Variants in ZHX3 observed in about 807,000 individuals in gnomAD.
The protein encoded by ZHX3 is zinc fingers and homeoboxes 3.
A neutral mutation model predicts 64.5 loss-of-function variants in ZHX3; 20 were observed. The ratio of observed to expected loss-of-function variants is 0.31; its 90% CI spans 0.22 to 0.45. The LOEUF (loss-of-function observed/expected upper bound fraction) is 0.45. Ranked by LOEUF, ZHX3 falls within the 20% of genes least tolerant of loss-of-function variation. The probability of loss-of-function intolerance (pLI) is 1.00; values close to 1 mark genes in which losing one functional copy is unlikely to be tolerated. For synonymous variants in ZHX3, 423 were observed against 461.6 expected (o/e 0.92, Z 1.07); for missense variants, 1,041 against 1,195.8 (o/e 0.87, Z 1.91).
At chr20:41,271,253 C>T (rs911801403) in intron 1 of ZHX3, among the ~76,000 whole-genome samples, 1 of 152,142 alleles carries the variant, frequency 6.6e-6, no homozygotes, top group East Asian at 1.9e-4. Flanking sequence ...CTCTTGACCT[C>T]GTGATCCACC....
At chr20:41,301,914 C>T (rs1428780005) in intron 1 of ZHX3, among the ~76,000 whole-genome samples, 2 of 151,268 alleles carry the variant, frequency 1.3e-5, no homozygotes, top group African/African-American at 2.4e-5. Flanking sequence ...ATTAGCCGGG[C>T]GTAGTGGCGG....
At chr20:41,264,779 C>T (rs1362481057) in intron 2 of ZHX3, among the ~76,000 whole-genome samples, 1 of 151,948 alleles carries the variant, frequency 6.6e-6, no homozygotes, top group African/African-American at 2.4e-5. Flanking sequence ...CGAACTTACG[C>T]TCAAAAATTT....
chr20:41,242,848 A>C (rs2041468904), intron 2 of ZHX3, among the ~76,000 whole-genome samples: 1 of 152,182 alleles, frequency 6.6e-6, no homozygotes, highest in Non-Finnish European at 1.5e-5. Context: ...CCCTATCCCT[A>C]AGAGCATATG....
At chr20:41,301,923 G>A (rs1456683224) in intron 1 of ZHX3, among the ~76,000 whole-genome samples, 1 of 150,606 alleles carries the variant, frequency 6.6e-6, no homozygotes, top group East Asian at 2.0e-4. Flanking sequence ...GCGTAGTGGC[G>A]GGCGCCTGTA....
chr20:41,286,611 G>A lies in ZHX3; in HGVS notation c.-244-17528C>T, dbSNP rs535375218. 4.9e-4 allele frequency among the ~76,000 whole-genome samples: 74 copies of A among 152,278 alleles called. 1 individual carries two copies. Among genetic ancestry groups the A allele is most frequent in the African/African-American group, 1.8e-3 (74 of 41,534 alleles). ...CCCTCCAATGGCTTCCCATTTCAGA[G>A]TACAAACAAAAATCCTTTCCATGGG... On this transcript the variant is annotated intron_variant, in intron 1 of 3. Coordinates refer to ENST00000683867, the MANE Select transcript of ZHX3 (RefSeq NM_001384317.1).
chr20:41,296,164 ACTTAACATCAC>A (rs1454604982), intron 1 of ZHX3, among the ~76,000 whole-genome samples: 2 of 144,240 alleles, frequency 1.4e-5, no homozygotes, highest in Non-Finnish European at 1.5e-5. Context: ...ATTTGATCTC[ACTTAACATCAC>A]TCATGCCAAG....
chr20:41,312,632 G>A (rs1021374596), intron 1 of ZHX3, among the ~76,000 whole-genome samples: 11 of 152,202 alleles, frequency 7.2e-5, no homozygotes, highest in Non-Finnish European at 1.3e-4. Flanking sequence ...GTGGTGATCA[G>A]GGAAGGCCCC....
At chr20:41,282,417 G>C (rs988387361) in intron 1 of ZHX3, among the ~76,000 whole-genome samples, 2 of 136,368 alleles carry the variant, frequency 1.5e-5, no homozygotes, top group African/African-American at 5.4e-5. Flanking sequence ...GGAGAACAGC[G>C]GCGCTATCTT....
intron 2 of ZHX3, among the ~76,000 whole-genome samples, chr20:41,231,385 CA>C (rs2040595285): frequency 6.6e-6 from 1 of 152,198 alleles, no homozygotes; most frequent in African/African-American, 2.4e-5. Context: ...AACCTAAACA[CA>C]CCAGCCTCCT....
rs530561981 is a variant in ZHX3, at chr20:41,269,094, A to T, written c.-244-11T>A. 6.6e-6 allele frequency: 1 copy of T among 152,228 alleles called. No individual in the cohort carries two copies. The highest frequency in any genetic ancestry group is 1.5e-5 in the Non-Finnish European group (1 of 68,036). 9.4% of individuals were successfully genotyped at this position (152,228 alleles called of 1,614,324 possible). On this transcript the variant is annotated splice_polypyrimidine_tract_variant and intron_variant, in intron 1 of 3. Transcript: ENST00000683867. ...AGTTGCATTTCAGTCCTATAAAAGA[A>T]GCAGCACATCATCACTTTATGAGAA... is the stretch of plus-strand genomic sequence containing the variant.
intron 1 of ZHX3, among the ~76,000 whole-genome samples, chr20:41,280,573 G>GT (rs548791402): frequency 1.3e-5 from 2 of 152,080 alleles, no homozygotes; most frequent in East Asian, 1.9e-4. Flanking sequence ...ATGTTTTTCT[G>GT]TTTTTTTGTT....
intron 1 of ZHX3, among the ~76,000 whole-genome samples, chr20:41,303,565 C>A (rs2146817363): frequency 6.6e-6 from 1 of 152,316 alleles, no homozygotes; most frequent in Non-Finnish European, 1.5e-5. Context: ...AATTCCAGCC[C>A]CTTGCCTTCT....
intron 2 of ZHX3, among the ~76,000 whole-genome samples, chr20:41,246,967 G>A (rs2041729263): frequency 6.6e-6 from 1 of 151,892 alleles, no homozygotes; most frequent in Non-Finnish European, 1.5e-5. Flanking sequence ...CTCTTATAAA[G>A]AGTATGTATA....
Position 41,184,921 on chromosome 20 carries a change from C to A in ZHX3, c.*270G>T, listed in dbSNP as rs1430961269. On this transcript the variant is annotated 3_prime_UTR_variant, in exon 4 of 4. Coordinates refer to ENST00000683867, the MANE Select transcript of ZHX3 (RefSeq NM_001384317.1). ...TATGAATATGACTATGAACTCTGAA[C>A]TATTTTATCCATTGGAAGGTAAAGG... 6.5e-7 allele frequency: 1 copy of A among 1,537,658 alleles called. No individual in the cohort carries two copies. The highest frequency in any genetic ancestry group is 8.7e-7 in the Non-Finnish European group (1 of 1,145,530).
intron 2 of ZHX3, among the ~76,000 whole-genome samples, chr20:41,264,486 G>A (rs1326486900): frequency 6.7e-6 from 1 of 149,318 alleles, no homozygotes; most frequent in Non-Finnish European, 1.5e-5. Context: ...TTGAACCCAG[G>A]AGGCAGTGGC....
intron 2 of ZHX3, among the ~76,000 whole-genome samples, chr20:41,264,592 C>T (rs927595548): frequency 6.6e-6 from 1 of 150,554 alleles, no homozygotes; most frequent in Middle Eastern, 3.5e-3. Flanking sequence ...AATAATTATA[C>T]CCCTAAAAAG....
chr20:41,184,944 A>C lies in ZHX3; in HGVS notation c.*247T>G, dbSNP rs762417532. 3.2e-6 allele frequency: 5 copies of C among 1,544,156 alleles called. No homozygotes were observed. ...AACTATTTTATCCATTGGAAGGTAA[A>C]GGAAAGGTCCTACATTGTGGGAGGA... On this transcript the variant is annotated 3_prime_UTR_variant, in exon 4 of 4. Transcript: ENST00000683867.
At position 41,277,157 on chromosome 20, in the gene ZHX3, G is replaced by A. The variant is rs919994633; in HGVS notation, c.-244-8074C>T. 9.2e-5 allele frequency among the ~76,000 whole-genome samples: 14 copies of A among 152,296 alleles called. 1 individual carries two copies. In the East Asian group the frequency reaches 2.1e-3, roughly 23 times the overall value. ...TACTGATTGGGAGTGGTGTTTACAT[G>A]AGTATAAACATTTGACAAAAAGTTT... On this transcript the variant is annotated intron_variant, in intron 1 of 3. Coordinates refer to ENST00000683867, the MANE Select transcript of ZHX3 (RefSeq NM_001384317.1).
intron 2 of ZHX3, among the ~76,000 whole-genome samples, chr20:41,206,740 G>A (rs1283735565): frequency 6.6e-6 from 1 of 152,182 alleles, no homozygotes; most frequent in Non-Finnish European, 1.5e-5. Flanking sequence ...ATATTATCCA[G>A]GAGAACTTCC....
Sources: allele counts gnomAD v4.1 joint callset (sites outside exome capture counted in the v4.1 genomes callset), GRCh38; gene constraint gnomAD v4.1.1; transcripts MANE v1.5; gene names NCBI Gene and HGNC (gene_info 2026-07-23, HGNC 2026-07-21).